The following TDRD12 variants were observed in gnomAD, a reference collection of about 807,000 sequenced individuals.
The protein encoded by TDRD12 is tudor domain containing 12.
TDRD12 carries 158 observed loss-of-function variants against 133.5 expected under a neutral mutation model. The ratio of observed to expected loss-of-function variants is 1.18; its 90% CI spans 1.04 to 1.35. TDRD12 has a LOEUF of 1.35. Ranked by LOEUF, TDRD12 falls within the 40% of genes most tolerant of loss-of-function variation. The pLI, the probability that TDRD12 is intolerant of heterozygous loss-of-function variation, is 0.00. For missense variants in TDRD12, 1,443 were observed against 1,321.3 expected (o/e 1.09, Z -1.43); for synonymous variants, 460 against 477.9 (o/e 0.96, Z 0.49).
At chr19:32,719,970 A>C in exon 1 of TDRD12, 1 of 1,402,874 alleles carries the variant, frequency 7.1e-7, no homozygotes, top group Non-Finnish European at 9.8e-7. Flanking sequence ...GAAGGAACGC[A>C]CTCGCGGCGG....
chr19:32,823,242 GGGA>G (rs1413797036), downstream of TDRD12, among the ~76,000 whole-genome samples: 2 of 152,206 alleles, frequency 1.3e-5, no homozygotes, highest in African/African-American at 2.4e-5. Flanking sequence ...TGGAGAGTGT[GGGA>G]GGAGGAGCCG....
chr19:32,756,262 T>G (rs1969989301), intron 7 of TDRD12, 81 bp downstream of exon 7: 3 of 1,198,822 alleles, frequency 2.5e-6, no homozygotes, highest in African/African-American at 3.2e-5. Context: ...TTGTACAGAC[T>G]TTTCCCCACA....
At chr19:32,808,167 G>A (rs1192065098) in intron 22 of TDRD12, among the ~76,000 whole-genome samples, 1 of 152,186 alleles carries the variant, frequency 6.6e-6, no homozygotes, top group African/African-American at 2.4e-5. Flanking sequence ...AGATAGAATT[G>A]CCAAGTTAAG....
At chr19:32,759,654 C>G (rs924635040) in intron 8 of TDRD12, among the ~76,000 whole-genome samples, 1 of 152,182 alleles carries the variant, frequency 6.6e-6, no homozygotes, top group African/African-American at 2.4e-5. Flanking sequence ...TAGAGCCTTT[C>G]TTTCCAAAGT....
At chr19:32,783,256 C>G (rs994072133) in intron 11 of TDRD12, among the ~76,000 whole-genome samples, 2 of 152,080 alleles carry the variant, frequency 1.3e-5, no homozygotes, top group Non-Finnish European at 2.9e-5. Context: ...TCAGGTTTGT[C>G]AAAGATAAGA....
At chr19:32,724,157 A>T (rs1291892851) in intron 1 of TDRD12, among the ~76,000 whole-genome samples, 1 of 152,198 alleles carries the variant, frequency 6.6e-6, no homozygotes. Context: ...CACCACTCCC[A>T]GCCTTTTTGT....
intron 24 of TDRD12, among the ~76,000 whole-genome samples, chr19:32,812,856 C>T (rs1012458073): frequency 6.6e-6 from 1 of 152,128 alleles, no homozygotes; most frequent in Admixed American, 6.5e-5. Context: ...ACAGGTCCTG[C>T]CTGTTGTGTT....
At chr19:32,756,394 T>TG (rs1489025201) in intron 7 of TDRD12, among the ~76,000 whole-genome samples, 1 of 145,382 alleles carries the variant, frequency 6.9e-6, no homozygotes, top group Non-Finnish European at 1.5e-5. Context: ...CCTCGATTTC[T>TG]GTTTTTTTTT....
At chr19:32,739,895 G>GT (rs113721936) in intron 3 of TDRD12, among the ~76,000 whole-genome samples, 295 of 131,128 alleles carry the variant, frequency 2.2e-3, no homozygotes, top group East Asian at 0.013. Flanking sequence ...GCATCTCCTG[G>GT]GTGCTGTCTG....
intron 21 of TDRD12, among the ~76,000 whole-genome samples, chr19:32,804,114 C>T (rs1456147267): frequency 6.6e-6 from 1 of 151,682 alleles, no homozygotes; most frequent in Non-Finnish European, 1.5e-5. Flanking sequence ...ACTCTGTTGC[C>T]CAGGCTGGAG....
exon 10 of TDRD12, chr19:32,827,380 T>TCTTTTTTTC (rs1568504210): frequency 4.4e-6 from 2 of 456,616 alleles, no homozygotes; most frequent in South Asian, 2.5e-4. Flanking sequence ...TTCTTTTTTT[T>TCTTTTTTTC]TTTTTTTTTT....
rs141527141 is a variant in TDRD12 at position 32,802,763 on chromosome 19, A to G, written c.2305A>G (p.Met769Val). 2.5e-4 allele frequency: 388 copies of G among 1,536,640 alleles called. 2 individuals carry two copies. In the African/African-American group the frequency reaches 4.3e-3, roughly 17 times the overall value. ...AGTTTTTGGTGGACGCCTGTATTGC[A>G]TGTCTGATCATTTTCACGCTGAACA... Residue 769 changes from methionine to valine, a missense_variant, in exon 20 of 28, where the codon ATG becomes GTG. Physicochemically the swap from Met to Val is conservative, Grantham distance 21 (BLOSUM62 1). Transcript: ENST00000444215.
chr19:32,743,371 ACTCCCT>A (rs1314560323), intron 4 of TDRD12, among the ~76,000 whole-genome samples: 2 of 31,372 alleles, frequency 6.4e-5, no homozygotes, highest in East Asian at 3.2e-3. Flanking sequence ...CCCCTCCCCC[ACTCCCT>A]CTCCCCACCG....
At chr19:32,737,852 G>A (rs1376000385) in intron 2 of TDRD12, among the ~76,000 whole-genome samples, 1 of 152,224 alleles carries the variant, frequency 6.6e-6, no homozygotes, top group Admixed American at 6.5e-5. Context: ...TCATGGGGAG[G>A]CTGGGTGCGG....
chr19:32,730,673 C>T (rs1019694729), intron 1 of TDRD12, among the ~76,000 whole-genome samples: 2 of 151,252 alleles, frequency 1.3e-5, no homozygotes, highest in Non-Finnish European at 2.9e-5. Flanking sequence ...TTGCCCAAAT[C>T]TTGAGATGTC....
intron 8 of TDRD12, among the ~76,000 whole-genome samples, chr19:32,771,996 C>T (rs1970455060): frequency 6.6e-6 from 1 of 152,110 alleles, no homozygotes; most frequent in African/African-American, 2.4e-5. Context: ...CCGGGTAAAA[C>T]AACAGCCATT....
chr19:32,722,963 A>G (rs972535735), intron 1 of TDRD12, among the ~76,000 whole-genome samples: 1 of 152,112 alleles, frequency 6.6e-6, no homozygotes, highest in African/African-American at 2.4e-5. Flanking sequence ...TACAGGCAAG[A>G]ACTGCTGCAC....
At chr19:32,725,822 C>T (rs1173345953) in intron 1 of TDRD12, among the ~76,000 whole-genome samples, 5 of 152,072 alleles carry the variant, frequency 3.3e-5, no homozygotes, top group Non-Finnish European at 7.4e-5. Context: ...GCCATTTTCA[C>T]GATGCTCTTC....
intron 21 of TDRD12, among the ~76,000 whole-genome samples, chr19:32,804,437 T>C (rs1231119195): frequency 1.3e-5 from 2 of 149,126 alleles, no homozygotes; most frequent in African/African-American, 4.9e-5. Flanking sequence ...CTCACACCTG[T>C]AATCCCAGCA....
Sources: gnomAD v4.1 joint callset for allele counts (sites outside exome capture counted in the v4.1 genomes callset) on GRCh38, gnomAD v4.1.1 for gene constraint, MANE v1.5 for transcripts, NCBI Gene and HGNC (gene_info 2026-07-23, HGNC 2026-07-21) for gene names.